The following GRAMD1C variants were observed in gnomAD, a reference collection of about 807,000 sequenced individuals.
The protein encoded by GRAMD1C is protein Aster-C.
A neutral mutation model predicts 97.8 loss-of-function variants in GRAMD1C; 89 were observed. That is an observed-to-expected ratio of 0.91 (90% CI 0.77 to 1.09). The LOEUF is 1.09. GRAMD1C is among the 50% of genes least tolerant of loss of function. The pLI is 0.00. For synonymous variants in GRAMD1C, 256 were observed against 267.0 expected (o/e 0.96, Z 0.40); for missense variants, 740 against 766.4 (o/e 0.97, Z 0.41).
chr3:113,830,799 T>G (rs890986102), intron 1 of GRAMD1C, among the ~76,000 whole-genome samples: 6 of 152,174 alleles, frequency 3.9e-5, no homozygotes, highest in Non-Finnish European at 7.3e-5. Context: ...ATAGTACAAT[T>G]ATAACAAACA....
chr3:113,915,684 T>C lies in GRAMD1C; in HGVS notation c.953-17T>C, dbSNP rs779878624. On this transcript the variant is annotated splice_polypyrimidine_tract_variant and intron_variant, in intron 9 of 17. Transcript: ENST00000358160. ...CTTTGATTTCTTCTCTTTTGGTTTG[T>C]GTTTCTGTTTTTCCAGAAAATGTTC... The C allele has an allele frequency of 6.3e-7, 1 of 1,599,992 alleles. No individual in the cohort carries two copies. Among genetic ancestry groups the C allele is most frequent in the Non-Finnish European group, 8.5e-7 (1 of 1,170,740 alleles).
chr3:113,833,700 GTT>G (rs1414410646), intron 1 of GRAMD1C, among the ~76,000 whole-genome samples: 2 of 152,176 alleles, frequency 1.3e-5, no homozygotes, highest in Admixed American at 1.3e-4. Context: ...ACCAGGGTAA[GTT>G]AAAATAAAAT....
chr3:113,839,678 A>G (rs1012180399), intron 1 of GRAMD1C, among the ~76,000 whole-genome samples: 1 of 152,194 alleles, frequency 6.6e-6, no homozygotes, highest in African/African-American at 2.4e-5. Flanking sequence ...CATGAACCCA[A>G]TCAGTCACTG....
intron 2 of GRAMD1C, among the ~76,000 whole-genome samples, chr3:113,857,415 GC>G (rs763971271): frequency 5.3e-4 from 78 of 145,806 alleles, no homozygotes; most frequent in South Asian, 2.8e-3. Flanking sequence ...TTGCTCTGTC[GC>G]CCAGGCTGGG....
chr3:113,864,909 A>T (rs1301661701), intron 2 of GRAMD1C, among the ~76,000 whole-genome samples: 1 of 152,200 alleles, frequency 6.6e-6, no homozygotes, highest in Non-Finnish European at 1.5e-5. Flanking sequence ...CAGGTATTGT[A>T]ATAGCAACAA....
chr3:113,876,107 C>T, intron 4 of GRAMD1C, 58 bp from the exon 5 acceptor site: 1 of 762,568 alleles, frequency 1.3e-6, no homozygotes, highest in South Asian at 1.5e-5. Context: ...GGATACTTGG[C>T]ATTTTGTATT....
intron 2 of GRAMD1C, among the ~76,000 whole-genome samples, chr3:113,849,916 G>A (rs1475862105): frequency 4.0e-5 from 5 of 125,658 alleles, no homozygotes; most frequent in Admixed American, 1.6e-4. Context: ...CTGGCCAGGC[G>A]GGGGGGCTGA....
chr3:113,925,315 G>A (rs140142888), intron 10 of GRAMD1C, among the ~76,000 whole-genome samples: 24 of 152,132 alleles, frequency 1.6e-4, no homozygotes, highest in East Asian at 7.8e-4. Flanking sequence ...TGGTGAAAAC[G>A]CATCTCTACT....
chr3:113,837,730 A>G (rs1202507120), upstream of GRAMD1C, among the ~76,000 whole-genome samples: 44 of 143,636 alleles, frequency 3.1e-4, no homozygotes, highest in Admixed American at 3.0e-3. Flanking sequence ...CAAAAAACAA[A>G]CAAACAAACA....
At chr3:113,917,995 G>T in intron 10 of GRAMD1C, among the ~76,000 whole-genome samples, 1 of 151,198 alleles carries the variant, frequency 6.6e-6, no homozygotes, top group Non-Finnish European at 1.5e-5. Flanking sequence ...GAGCCACTGT[G>T]CCTGGCCTAG....
chr3:113,874,600 C>T (rs191178349), intron 3 of GRAMD1C, among the ~76,000 whole-genome samples: 2 of 152,316 alleles, frequency 1.3e-5, no homozygotes, highest in African/African-American at 4.8e-5. Context: ...TGGCCTCGGC[C>T]TCCCAAAGTG....
chr3:113,909,572 TTTTAC>T (rs1936491854), intron 9 of GRAMD1C, among the ~76,000 whole-genome samples: 1 of 152,184 alleles, frequency 6.6e-6, no homozygotes, highest in Non-Finnish European at 1.5e-5. Context: ...CCAGTTTTCT[TTTTAC>T]TTTACTTCAA....
At chr3:113,937,621 G>A (rs545377312) in intron 14 of GRAMD1C, among the ~76,000 whole-genome samples, 2 of 152,244 alleles carry the variant, frequency 1.3e-5, no homozygotes, top group South Asian at 4.1e-4. Context: ...ATAAAAAAAG[G>A]GGTGCAGGGA....
chr3:113,914,078 A>T (rs993879833), intron 9 of GRAMD1C, among the ~76,000 whole-genome samples: 4 of 152,240 alleles, frequency 2.6e-5, no homozygotes, highest in African/African-American at 7.2e-5. Flanking sequence ...GAAATGAACA[A>T]GATCAACAGA....
At chr3:113,887,308 C>T (rs1393657510) in intron 6 of GRAMD1C, among the ~76,000 whole-genome samples, 4 of 151,212 alleles carry the variant, frequency 2.6e-5, no homozygotes, top group East Asian at 2.0e-4. Context: ...GTCAGGCTGG[C>T]CTCTAACTTC....
intron 7 of GRAMD1C, among the ~76,000 whole-genome samples, chr3:113,901,385 G>A (rs1403803212): frequency 6.6e-6 from 1 of 152,120 alleles, no homozygotes; most frequent in Non-Finnish European, 1.5e-5. Flanking sequence ...CTTAAAGTCT[G>A]GTTTTAGTAA....
At chr3:113,877,152 T>C (rs770348406) in intron 5 of GRAMD1C, among the ~76,000 whole-genome samples, 10 of 152,220 alleles carry the variant, frequency 6.6e-5, no homozygotes, top group Non-Finnish European at 1.0e-4. Context: ...TGGCTATTTT[T>C]ATTTTTAAAC....
intron 6 of GRAMD1C, among the ~76,000 whole-genome samples, chr3:113,898,777 T>C (rs1415987270): frequency 4.6e-5 from 7 of 152,168 alleles, no homozygotes; most frequent in Non-Finnish European, 1.0e-4. Flanking sequence ...TCACTTAACT[T>C]GAATAGCTTT....
intron 6 of GRAMD1C, among the ~76,000 whole-genome samples, chr3:113,887,245 C>G (rs13100440): frequency 0.15 from 22,323 of 151,662 alleles, 2,072 homozygotes; most frequent in Non-Finnish European, 0.21. Context: ...CGCCTGCCAC[C>G]ACACCCAGCT....
Sources: gnomAD v4.1 joint callset for allele counts (sites outside exome capture counted in the v4.1 genomes callset) on GRCh38, gnomAD v4.1.1 for gene constraint, MANE v1.5 for transcripts, NCBI Gene and HGNC (gene_info 2026-07-23, HGNC 2026-07-21) for gene names.